CACNA1I: variants seen among roughly 807,000 people sequenced by gnomAD.
CACNA1I encodes calcium voltage-gated channel subunit alpha1 I, also known as voltage-dependent T-type calcium channel subunit alpha-1I.
In CACNA1I, 74 loss-of-function variants were observed where a neutral mutation model predicts 201.6. The ratio of observed to expected loss-of-function variants is 0.37; its 90% CI spans 0.30 to 0.45. The LOEUF is 0.45. Ranked by LOEUF, CACNA1I falls within the 20% of genes least tolerant of loss-of-function variation. The pLI is 1.00. For missense variants in CACNA1I, 2,346 were observed against 3,138.1 expected (o/e 0.75, Z 6.03); for synonymous variants, 1,431 against 1,345.2 (o/e 1.06, Z -1.40).
At chr22:39,646,211 G>A (rs1016397631) in intron 7 of CACNA1I, among the ~76,000 whole-genome samples, 5 of 151,968 alleles carry the variant, frequency 3.3e-5, no homozygotes, top group Admixed American at 2.6e-4. Flanking sequence ...GTCTCTCTGG[G>A]CCCCTCCACC....
chr22:39,660,819 C>A (rs1934983888), intron 15 of CACNA1I, among the ~76,000 whole-genome samples: 1 of 152,130 alleles, frequency 6.6e-6, no homozygotes, highest in East Asian at 1.9e-4. Context: ...GGCGGACAGT[C>A]CCTGCCTTGT....
rs5750858 is a variant in CACNA1I, at chr22:39,613,724, C to T, written c.483-5586C>T. Among the ~76,000 whole-genome samples the T allele has an allele frequency of 4.8e-3, 724 of 152,328 alleles. 6 individuals carry two copies. The highest frequency in any genetic ancestry group is 0.017 in the African/African-American group (711 of 41,568). ...CCTGGTCAGCAGAGGGTAACGCTCC[C>T]GAGCCGGAGGCGCTGGCCTGCTCCG... On this transcript the variant is annotated intron_variant, in intron 3 of 36. Transcript: ENST00000402142.
chr22:39,578,189 C>T (rs1932424407), intron 1 of CACNA1I, among the ~76,000 whole-genome samples: 1 of 152,120 alleles, frequency 6.6e-6, no homozygotes, highest in Admixed American at 6.5e-5. Context: ...ATGGCGCCAT[C>T]TCTGCAGAAG....
chr22:39,581,667 G>A (rs192434277), intron 1 of CACNA1I, among the ~76,000 whole-genome samples: 38 of 152,256 alleles, frequency 2.5e-4, no homozygotes, highest in African/African-American at 9.2e-4. Context: ...ATTTTTACTG[G>A]TCCATCCTAC....
chr22:39,678,918 C>T (rs913202880), intron 31 of CACNA1I, among the ~76,000 whole-genome samples, 189 bp from the exon 32 acceptor site: 6 of 152,114 alleles, frequency 3.9e-5, no homozygotes, highest in African/African-American at 4.8e-5. Context: ...TCTGTCCATG[C>T]GGGGACTTAG....
At chr22:39,656,841 C>T in intron 10 of CACNA1I, 2 of 504,662 alleles carry the variant, frequency 4.0e-6, no homozygotes, top group Non-Finnish European at 7.9e-6. Context: ...GAGAGGCTAA[C>T]TTGTGTTGGG....
At position 39,663,709 on chromosome 22, in the gene CACNA1I, C is replaced by T. The variant is rs772608413; in HGVS notation, c.3474-9C>T. ...TGACGCTCAGGCAGCCCCCGCCCACCCTGCCCAGGTTCCGGGTCCTGTGTC... is the reference window on the plus strand; with the variant it reads ...TGACGCTCAGGCAGCCCCCGCCCACTCTGCCCAGGTTCCGGGTCCTGTGTC... On this transcript the variant is annotated splice_polypyrimidine_tract_variant and intron_variant, in intron 18 of 36. Coordinates refer to ENST00000402142, the MANE Select transcript of CACNA1I (RefSeq NM_021096.4). 3.1e-6 allele frequency: 5 copies of T among 1,606,954 alleles called. No individual in the cohort carries two copies. Among genetic ancestry groups the T allele is most frequent in the African/African-American group, 1.3e-5 (1 of 74,798 alleles).
chr22:39,648,045 G>C lies in CACNA1I; in HGVS notation c.1567+119G>C, dbSNP rs1934543983. 1 of 847,128 alleles carries C rather than the reference G, an allele frequency of 1.2e-6. No individual in the cohort carries two copies. Among genetic ancestry groups the C allele is most frequent in the African/African-American group, 1.7e-5 (1 of 59,296 alleles). 52.5% of individuals were successfully genotyped at this position (847,128 alleles called of 1,614,324 possible). ...GGCGCTTGAGCAGCCGCGACCCTCT[G>C]CAGGCCTGTCTCCCTCTATAAAGTG... On this transcript the variant is annotated intron_variant, in intron 9 of 36. Coordinates refer to ENST00000402142, the MANE Select transcript of CACNA1I (RefSeq NM_021096.4). The surrounding 1 kb of genome is among the most constrained non-coding windows in gnomAD (Gnocchi z 5.4).
In CACNA1I at chr22:39,658,320, C is replaced by A. The variant is rs1934891337; in HGVS notation, c.2144+17C>A. 6.2e-7 allele frequency: 1 copy of A among 1,611,516 alleles called. No homozygotes were observed. Among genetic ancestry groups the A allele is most frequent in the African/African-American group, 1.3e-5 (1 of 74,882 alleles). ...CATCATCAGGTACCCCTCCCCCAAC[C>A]CACCCGGCAGCAGAGTGCCTCGGGG... On this transcript the variant is annotated intron_variant, in intron 11 of 36. Transcript: ENST00000402142.
At chr22:39,600,445 C>T (rs1932999520) in intron 2 of CACNA1I, 75 bp from the exon 3 acceptor site, 2 of 1,299,612 alleles carry the variant, frequency 1.5e-6, no homozygotes, top group African/African-American at 1.5e-5. Context: ...CCCCACCTCA[C>T]ACTGTGGCTG....
chr22:39,587,476 G>T (rs1266634900), intron 1 of CACNA1I, among the ~76,000 whole-genome samples: 1 of 152,208 alleles, frequency 6.6e-6, no homozygotes, highest in Non-Finnish European at 1.5e-5. Context: ...TCTCGGGCAA[G>T]TGCTGTCTTC....
chr22:39,604,190 C>A (rs1933143840), intron 3 of CACNA1I, among the ~76,000 whole-genome samples: 1 of 152,120 alleles, frequency 6.6e-6, no homozygotes, highest in Non-Finnish European at 1.5e-5. Context: ...CCCACGCTGC[C>A]CTTTTGACTT....
chr22:39,618,276 A>C (rs1190814606), intron 3 of CACNA1I, among the ~76,000 whole-genome samples: 2 of 16,242 alleles, frequency 1.2e-4, no homozygotes, highest in South Asian at 5.7e-3. Context: ...CAAGTGTGTG[A>C]CTGTGTGTGT....
chr22:39,599,796 C>T (rs1255234583), intron 2 of CACNA1I, among the ~76,000 whole-genome samples: 1 of 152,206 alleles, frequency 6.6e-6, no homozygotes, highest in Admixed American at 6.5e-5. Context: ...CCTCTGTGTC[C>T]TCACCACTGG....
chr22:39,641,293 C>A, intron 6 of CACNA1I, 111 bp downstream of exon 6: 1 of 874,210 alleles, frequency 1.1e-6, no homozygotes, highest in Non-Finnish European at 1.8e-6. Flanking sequence ...GAAACCTGCC[C>A]AGCTTGCTGG....
intron 1 of CACNA1I, among the ~76,000 whole-genome samples, chr22:39,589,105 CCCT>C (rs1404839386): frequency 1.3e-5 from 2 of 152,112 alleles, no homozygotes; most frequent in Non-Finnish European, 2.9e-5. Flanking sequence ...GTGTCCTATC[CCCT>C]CAAGTGTGAC....
chr22:39,602,324 C>T (rs1242157110), intron 3 of CACNA1I, among the ~76,000 whole-genome samples: 2 of 151,760 alleles, frequency 1.3e-5, no homozygotes, highest in Non-Finnish European at 2.9e-5. Context: ...TTCCTCCCAC[C>T]TCAGCCTCCC....
chr22:39,635,339 A>AGGG (rs113495153), intron 5 of CACNA1I, among the ~76,000 whole-genome samples: 1 of 150,356 alleles, frequency 6.7e-6, no homozygotes, highest in African/African-American at 2.4e-5. Context: ...ATGCGGCAGA[A>AGGG]GGGGGGGGGT....
chr22:39,616,374 C>A (rs540561327), intron 3 of CACNA1I, among the ~76,000 whole-genome samples: 1 of 152,156 alleles, frequency 6.6e-6, no homozygotes, highest in Non-Finnish European at 1.5e-5. Context: ...GTGGGCCCCC[C>A]CTTTGACATC....
Sources: gnomAD v4.1 joint callset for allele counts (sites outside exome capture counted in the v4.1 genomes callset) on GRCh38, gnomAD v4.1.1 for gene constraint, Gnocchi (gnomAD v3.1) non-coding constraint, MANE v1.5 for transcripts, NCBI Gene and HGNC (gene_info 2026-07-23, HGNC 2026-07-21) for gene names.